The following DLC1 variants were observed in gnomAD, a reference collection of about 807,000 sequenced individuals.
DLC1 encodes rho GTPase-activating protein 7.
A neutral mutation model predicts 140.3 loss-of-function variants in DLC1; 54 were observed. That is an observed-to-expected ratio of 0.38 (90% confidence interval 0.31 to 0.48). The LOEUF is 0.48. DLC1 is among the 20% of genes least tolerant of loss of function. The pLI is 0.96. For missense variants in DLC1, 2,536 were observed against 1,907.0 expected (o/e 1.33, Z -6.14); for synonymous variants, 986 against 728.1 (o/e 1.35, Z -5.70).
intron 5 of DLC1, among the ~76,000 whole-genome samples, chr8:13,168,646 C>T (rs1423314005): frequency 6.6e-6 from 1 of 152,206 alleles, no homozygotes; most frequent in Non-Finnish European, 1.5e-5. Context: ...AATAAACTGT[C>T]TCTAGTCCAG....
chr8:13,405,392 T>A (rs750853294), intron 2 of DLC1, among the ~76,000 whole-genome samples: 6 of 152,220 alleles, frequency 3.9e-5, no homozygotes, highest in Non-Finnish European at 8.8e-5. Flanking sequence ...ACATTTATAC[T>A]TAAGTCAAAA....
chr8:13,384,145 G>A (rs1174835173), intron 4 of DLC1, among the ~76,000 whole-genome samples: 2 of 152,112 alleles, frequency 1.3e-5, no homozygotes, highest in African/African-American at 4.8e-5. Context: ...ACAGATAATC[G>A]ATATAGCAGG....
rs192679715 is a variant in DLC1 at position 13,476,546 on chromosome 8, G to A, written c.1023+22503C>T. Among the ~76,000 whole-genome samples, 3 of 151,782 alleles carry A rather than the reference G, an allele frequency of 2.0e-5. No homozygotes were observed. In the East Asian group the frequency reaches 5.8e-4, roughly 29 times the overall value. ...TAACTCGGACATTCCAGAGAGGGAC[G>A]TGGGGAGCTAACCAGGCAGGATGTG... On this transcript the variant is annotated intron_variant, in intron 2 of 17. Coordinates refer to ENST00000276297, the MANE Select transcript of DLC1 (RefSeq NM_182643.3).
Position 13,590,062 on chromosome 8 carries a change from C to CATAT in DLC1, c.-126+14471_-126+14474dup, listed in dbSNP as rs1554549055. On this transcript the variant is annotated intron_variant, in intron 1 of 1. Transcript: ENST00000631382. ...TAAAGTTTAGGAGAAACTCAACATG[C>CATAT]ATATATATATATATACAAACACATG... is the stretch of plus-strand genomic sequence containing the variant. Among the ~76,000 whole-genome samples the CATAT allele has an allele frequency of 5.4e-4, 66 of 121,426 alleles. 1 individual carries two copies. Among genetic ancestry groups the CATAT allele is most frequent in the East Asian group, 1.5e-3 (6 of 4,080 alleles). The allele number at this position is 121,426 out of a possible 152,430, so 79.7% of individuals were successfully genotyped here.
intron 2 of DLC1, among the ~76,000 whole-genome samples, chr8:13,424,119 G>A (rs939426893): frequency 6.6e-6 from 1 of 152,070 alleles, no homozygotes; most frequent in Non-Finnish European, 1.5e-5. Flanking sequence ...ACAGTGTTCT[G>A]GCAGACTGTC....
chr8:13,279,701 T>C (rs1385425310), intron 5 of DLC1, among the ~76,000 whole-genome samples: 2 of 152,222 alleles, frequency 1.3e-5, no homozygotes, highest in Non-Finnish European at 2.9e-5. Context: ...ATGGGTATAG[T>C]GTAAAGACCA....
intron 4 of DLC1, among the ~76,000 whole-genome samples, chr8:13,323,128 C>G (rs1311840351): frequency 6.6e-6 from 1 of 152,202 alleles, no homozygotes; most frequent in African/African-American, 2.4e-5. Context: ...CAACTAAGCT[C>G]TGTTCCTGAA....
chr8:13,192,098 C>T (rs1443824955), intron 5 of DLC1, among the ~76,000 whole-genome samples: 2 of 151,924 alleles, frequency 1.3e-5, no homozygotes, highest in Non-Finnish European at 1.5e-5. Flanking sequence ...AGGCACATGC[C>T]ACCGTGCCCG....
At chr8:13,489,275 T>C (rs1273131031) in intron 2 of DLC1, among the ~76,000 whole-genome samples, 2 of 152,120 alleles carry the variant, frequency 1.3e-5, no homozygotes, top group Non-Finnish European at 2.9e-5. Context: ...TAAAACTTGA[T>C]GCCTCAGATG....
At chr8:13,216,961 A>G (rs1334337957) in intron 5 of DLC1, among the ~76,000 whole-genome samples, 1 of 152,120 alleles carries the variant, frequency 6.6e-6, no homozygotes, top group Non-Finnish European at 1.5e-5. Flanking sequence ...GGCTGTGGGC[A>G]GCATGTTTGT....
At chr8:13,196,735 G>C (rs1333463359) in intron 5 of DLC1, among the ~76,000 whole-genome samples, 1 of 152,194 alleles carries the variant, frequency 6.6e-6, no homozygotes, top group African/African-American at 2.4e-5. Context: ...TATGTCACGA[G>C]AGTCATGACA....
Position 13,093,186 on chromosome 8 carries a change from G to A in DLC1, c.3527-361C>T, listed in dbSNP as rs79646973. On this transcript the variant is annotated intron_variant, in intron 12 of 17. Transcript: ENST00000276297. ...CCCTAATTTATCAATCTCAATTACT[G>A]AAAACACTATACACTTTTGTTTAGT... is the stretch of plus-strand genomic sequence containing the variant. Among the ~76,000 whole-genome samples the A allele has an allele frequency of 6.8e-4, 103 of 151,836 alleles. No individual in the cohort carries two copies. In the East Asian group the frequency reaches 0.019, roughly 28 times the overall value.
chr8:13,485,401 G>T (rs942920826), intron 2 of DLC1, among the ~76,000 whole-genome samples: 1 of 152,142 alleles, frequency 6.6e-6, no homozygotes, highest in African/African-American at 2.4e-5. Context: ...GTTGCTACTT[G>T]CCACCCTACC....
At chr8:13,426,570 G>C (rs1212606109) in intron 2 of DLC1, among the ~76,000 whole-genome samples, 1 of 152,060 alleles carries the variant, frequency 6.6e-6, no homozygotes, top group African/African-American at 2.4e-5. Context: ...TCTTTTCTCA[G>C]AAGGTCCCAG....
At chr8:13,484,338 C>T (rs1287738302) in intron 2 of DLC1, among the ~76,000 whole-genome samples, 2 of 152,128 alleles carry the variant, frequency 1.3e-5, no homozygotes, top group Non-Finnish European at 2.9e-5. Context: ...AAGATTCATT[C>T]TCAATCTCTG....
chr8:13,311,370 C>G (rs1462522652), intron 4 of DLC1, among the ~76,000 whole-genome samples: 2 of 152,148 alleles, frequency 1.3e-5, no homozygotes, highest in Admixed American at 1.3e-4. Flanking sequence ...ACGATTCCAA[C>G]TTAACTTAGT....
chr8:13,409,985 G>A (rs1053567283), intron 2 of DLC1, among the ~76,000 whole-genome samples: 12 of 152,022 alleles, frequency 7.9e-5, no homozygotes, highest in Non-Finnish European at 1.0e-4. Flanking sequence ...AGAGAAAACC[G>A]TTACATGGTT....
Position 13,501,209 on chromosome 8 carries a change from A to G in DLC1, c.-125-1013T>C, listed in dbSNP as rs540927837. ...AGTTTAGTTTGCATATTTCTGTTAGAATATGGCCATAAAATTTAAGTAAAC... is the reference window on the plus strand; with the variant it reads ...AGTTTAGTTTGCATATTTCTGTTAGGATATGGCCATAAAATTTAAGTAAAC... On this transcript the variant is annotated intron_variant, in intron 1 of 17. Transcript: ENST00000276297. 2.0e-5 allele frequency among the ~76,000 whole-genome samples: 3 copies of G among 152,334 alleles called. No individual in the cohort carries two copies. The South Asian group carries it at 6.2e-4, about 32-fold the overall frequency.
chr8:13,454,504 A>G (rs1013213081), intron 2 of DLC1, among the ~76,000 whole-genome samples: 5 of 152,240 alleles, frequency 3.3e-5, no homozygotes, highest in African/African-American at 7.2e-5. Flanking sequence ...GACTTGGAAC[A>G]AATGTGCCTG....
Sources: allele counts gnomAD v4.1 joint callset (sites outside exome capture counted in the v4.1 genomes callset), GRCh38; gene constraint gnomAD v4.1.1; transcripts MANE v1.5; gene names NCBI Gene and HGNC (gene_info 2026-07-23, HGNC 2026-07-21).